Variants in LARP4B observed in about 807,000 individuals in gnomAD.
LARP4B encodes the protein la-related protein 4B.
In LARP4B, 12 loss-of-function variants were observed where a neutral mutation model predicts 89.8. The observed-to-expected ratio is 0.13, with a 90% CI of 0.09 to 0.22. The LOEUF (loss-of-function observed/expected upper bound fraction) is 0.22, where lower values mean the gene tolerates loss of function less well. LARP4B is among the 10% of genes least tolerant of loss of function. The pLI, the probability that LARP4B is intolerant of heterozygous loss-of-function variation, is 1.00. For synonymous variants in LARP4B, 367 were observed against 363.3 expected (o/e 1.01, Z -0.12); for missense variants, 757 against 947.7 (o/e 0.80, Z 2.64).
chr10:948,947 G>A, the LARP4B span, among the ~76,000 whole-genome samples: 1 of 152,338 alleles, frequency 6.6e-6, no homozygotes. Context: ...GATGAATAAA[G>A]CTACTACGAA....
At chr10:908,801 C>T (rs960791071) in intron 1 of LARP4B, among the ~76,000 whole-genome samples, 1 of 152,192 alleles carries the variant, frequency 6.6e-6, no homozygotes, top group Non-Finnish European at 1.5e-5. Context: ...AGTTCCAGGA[C>T]TCCTCCAAGT....
the LARP4B span, among the ~76,000 whole-genome samples, chr10:948,898 G>A: frequency 9.2e-5 from 14 of 152,280 alleles, no homozygotes; most frequent in Non-Finnish European, 1.8e-4. Flanking sequence ...ACCACACACC[G>A]GTTCAAGGCC....
the LARP4B span, among the ~76,000 whole-genome samples, chr10:948,879 G>A: frequency 5.9e-5 from 9 of 152,218 alleles, no homozygotes; most frequent in African/African-American, 1.4e-4. Flanking sequence ...GGGTTATGTC[G>A]TCTGCTTAAC....
Position 814,946 on chromosome 10 carries a change from T to C in LARP4B, c.1820A>G (p.Asp607Gly). 1.3e-6 allele frequency: 2 copies of C among 1,590,588 alleles called. No homozygotes were observed. Among genetic ancestry groups the C allele is most frequent in the Non-Finnish European group, 1.7e-6 (2 of 1,165,952 alleles). The stretch of plus-strand genomic sequence containing the variant: ...GCGCTGGAAGAACACCAATACTCAC[T>C]CGGGTAAATGAGCTGGGGAGGGGGA... ...ERSPSPAHLP[D>G]DPKVAEKQRE... Residue 607 changes from aspartate (D) to glycine (G), a missense_variant and splice_region_variant, in exon 16 of 18, where the codon GAT (aspartate) becomes GGT (glycine). Coordinates refer to ENST00000316157, the MANE Select transcript of LARP4B (RefSeq NM_015155.3). The surrounding 1 kb of genome is among the most constrained non-coding windows in gnomAD (Gnocchi z 4.4).
the LARP4B span, among the ~76,000 whole-genome samples, chr10:984,910 C>T: frequency 5.3e-5 from 8 of 152,088 alleles, no homozygotes; most frequent in South Asian, 2.1e-4. Flanking sequence ...CCAGCCTAGG[C>T]GACAGAGTGA....
At chr10:887,337 T>C (rs893529065) in intron 1 of LARP4B, among the ~76,000 whole-genome samples, 1 of 151,956 alleles carries the variant, frequency 6.6e-6, no homozygotes, top group East Asian at 1.9e-4. Flanking sequence ...GATGGCTATA[T>C]TAATGGGCTG....
chr10:965,847 T>C, the LARP4B span, among the ~76,000 whole-genome samples: 1 of 152,088 alleles, frequency 6.6e-6, no homozygotes, highest in Admixed American at 6.6e-5. Context: ...AACCGATTTA[T>C]GTCAAACAAG....
the LARP4B span, among the ~76,000 whole-genome samples, chr10:967,786 C>T: frequency 2.0e-5 from 3 of 152,134 alleles, no homozygotes; most frequent in Admixed American, 6.5e-5. Flanking sequence ...CTGCAACCTC[C>T]GCCTCCTGGG....
upstream of LARP4B, among the ~76,000 whole-genome samples, chr10:933,498 T>C (rs1213806099): frequency 6.6e-6 from 1 of 152,210 alleles, no homozygotes; most frequent in East Asian, 1.9e-4. Context: ...GGGTAGACTG[T>C]TGACATCAAG....
the LARP4B span, among the ~76,000 whole-genome samples, chr10:937,635 C>A: frequency 1.3e-5 from 2 of 152,114 alleles, no homozygotes; most frequent in South Asian, 4.2e-4. Context: ...ATATGGTATT[C>A]CGGCTAAAAT....
intron 1 of LARP4B, among the ~76,000 whole-genome samples, chr10:923,714 T>C (rs1837052558): frequency 1.3e-5 from 2 of 152,204 alleles, no homozygotes; most frequent in South Asian, 2.1e-4. Context: ...TTCAACATGT[T>C]AACAGATAAC....
chr10:833,342 C>T (rs1833028463), intron 8 of LARP4B, among the ~76,000 whole-genome samples: 1 of 148,830 alleles, frequency 6.7e-6, no homozygotes, highest in South Asian at 2.1e-4. Context: ...CAAAGCCGTC[C>T]TGGGCGGCAT....
the LARP4B span, among the ~76,000 whole-genome samples, chr10:962,456 C>G: frequency 6.6e-6 from 1 of 152,172 alleles, no homozygotes; most frequent in African/African-American, 2.4e-5. Context: ...ACACACAACT[C>G]AGTCCGTAAG....
intron 5 of LARP4B, among the ~76,000 whole-genome samples, chr10:854,267 A>G (rs1275512006): frequency 6.6e-6 from 1 of 152,200 alleles, no homozygotes; most frequent in Non-Finnish European, 1.5e-5. Context: ...GGCTGGAATC[A>G]ACGCCTCTGG....
chr10:872,071 A>T (rs11253483), intron 3 of LARP4B, among the ~76,000 whole-genome samples: 8,145 of 152,260 alleles, frequency 0.053, 359 homozygotes, highest in African/African-American at 0.12. Flanking sequence ...CACACGCATG[A>T]CTTAGTGAGT....
chr10:956,229 G>A, the LARP4B span, among the ~76,000 whole-genome samples: 1 of 152,124 alleles, frequency 6.6e-6, no homozygotes, highest in African/African-American at 2.4e-5. This position sits in a 1 kb window ranked among gnomAD's most constrained non-coding sequence, Gnocchi z 4.3. Flanking sequence ...GGAGCTGGAC[G>A]GACACCACAA....
chr10:848,165 C>A (rs1197868802), intron 5 of LARP4B, among the ~76,000 whole-genome samples: 2 of 152,030 alleles, frequency 1.3e-5, no homozygotes, highest in East Asian at 3.9e-4. Flanking sequence ...AAATGGTTAA[C>A]CCTCCCCACC....
chr10:929,414 C>T (rs918107048), intron 1 of LARP4B, among the ~76,000 whole-genome samples: 2 of 152,036 alleles, frequency 1.3e-5, no homozygotes, highest in Non-Finnish European at 2.9e-5. Flanking sequence ...GGGCAACATG[C>T]TGAAACCCCG....
chr10:836,188 A>C (rs192529674), intron 8 of LARP4B, among the ~76,000 whole-genome samples: 11 of 152,308 alleles, frequency 7.2e-5, no homozygotes, highest in African/African-American at 2.4e-4. Flanking sequence ...AACCTTCACT[A>C]TCTTATTATA....
Sources: gnomAD v4.1 joint callset for allele counts (sites outside exome capture counted in the v4.1 genomes callset) on GRCh38, gnomAD v4.1.1 for gene constraint, Gnocchi (gnomAD v3.1) non-coding constraint, MANE v1.5 for transcripts, NCBI Gene and HGNC (gene_info 2026-07-23, HGNC 2026-07-21) for gene names.